The following MYO5A variants were observed in gnomAD, a reference collection of about 807,000 sequenced individuals.
MYO5A encodes the protein unconventional myosin-Va.
Under a neutral mutation model 249.7 loss-of-function variants are expected in MYO5A, and 98 were observed. The observed-to-expected ratio is 0.39, with a 90% confidence interval of 0.33 to 0.46. MYO5A has a LOEUF of 0.46. Among genes scored for constraint, MYO5A ranks in the 20% least tolerant of loss-of-function variants. The pLI is 0.98. For synonymous variants in MYO5A, 778 were observed against 810.6 expected (o/e 0.96, Z 0.68); for missense variants, 1,696 against 2,308.8 (o/e 0.73, Z 5.44).
chr15:52,328,644 C>G (rs1396286127), intron 35 of MYO5A, among the ~76,000 whole-genome samples: 2 of 152,202 alleles, frequency 1.3e-5, no homozygotes, highest in Non-Finnish European at 2.9e-5. Context: ...ATACAACAAT[C>G]AGGGCCATTC....
chr15:52,405,606 G>T (rs189202804), intron 8 of MYO5A, among the ~76,000 whole-genome samples: 141 of 152,318 alleles, frequency 9.3e-4, no homozygotes, highest in Non-Finnish European at 1.7e-3. Context: ...GCTGACTGTG[G>T]CTGATCTGGC....
At chr15:52,432,040 C>G (rs2075551940) in intron 2 of MYO5A, among the ~76,000 whole-genome samples, 1 of 151,812 alleles carries the variant, frequency 6.6e-6, no homozygotes. Flanking sequence ...AAAGCTGGAA[C>G]AATTTAATTG....
upstream of MYO5A, chr15:52,528,965 G>A: frequency 2.3e-6 from 1 of 439,478 alleles, no homozygotes; most frequent in Non-Finnish European, 3.1e-6. Flanking sequence ...GGGGCGGGGC[G>A]CCTCAGGCGC....
At chr15:52,442,470 C>A (rs758367352) in intron 1 of MYO5A, among the ~76,000 whole-genome samples, 1 of 152,092 alleles carries the variant, frequency 6.6e-6, no homozygotes, top group Admixed American at 6.5e-5. Flanking sequence ...GAAATGCTGC[C>A]GAGGAGCTGA....
intron 1 of MYO5A, among the ~76,000 whole-genome samples, chr15:52,490,526 T>C (rs12915869): frequency 0.69 from 105,286 of 152,054 alleles, 37,789 homozygotes; most frequent in Non-Finnish European, 0.77. Context: ...AAGCCAGTCA[T>C]GAAAAGACAA....
intron 34 of MYO5A, among the ~76,000 whole-genome samples, chr15:52,335,245 A>G (rs1265129518): frequency 6.6e-6 from 1 of 152,142 alleles, no homozygotes; most frequent in Non-Finnish European, 1.5e-5. Flanking sequence ...TTAGGCTGGA[A>G]GCGGTGGCTC....
intron 1 of MYO5A, among the ~76,000 whole-genome samples, chr15:52,436,013 G>A (rs919933164): frequency 2.0e-5 from 3 of 152,206 alleles, no homozygotes; most frequent in Non-Finnish European, 2.9e-5. Context: ...CGCTTCTGGG[G>A]TTCAAGCGAT....
At chr15:52,459,693 A>G (rs1480281320) in intron 1 of MYO5A, among the ~76,000 whole-genome samples, 1 of 152,224 alleles carries the variant, frequency 6.6e-6, no homozygotes, top group Admixed American at 6.5e-5. Context: ...TACACCTCCC[A>G]GACGGGGTGG....
chr15:52,336,852 T>C (rs553358608), intron 33 of MYO5A, among the ~76,000 whole-genome samples: 3 of 152,354 alleles, frequency 2.0e-5, no homozygotes, highest in Non-Finnish European at 4.4e-5. Context: ...TTGTAGAATG[T>C]ATTGGTATTC....
intron 1 of MYO5A, among the ~76,000 whole-genome samples, chr15:52,471,627 C>CA (rs1215115876): frequency 1.2e-5 from 1 of 83,212 alleles, no homozygotes; most frequent in Non-Finnish European, 2.8e-5. Flanking sequence ...ACACCCCAAA[C>CA]AAAAAAACAA....
intron 4 of MYO5A, among the ~76,000 whole-genome samples, chr15:52,423,601 A>ATTTC (rs2075332800): frequency 6.6e-6 from 1 of 151,998 alleles, no homozygotes; most frequent in Non-Finnish European, 1.5e-5. Context: ...TGCAGCAGTT[A>ATTTC]TTTCTGACTG....
In MYO5A at chr15:52,372,233, C is replaced by T. The variant is rs536070522; in HGVS notation, c.2708G>A (p.Arg903His). Residue 903 changes from arginine (R) to histidine (H), a missense_variant, in exon 21 of 42, where the codon CGT becomes CAT. Physicochemically the swap from Arg to His is conservative, Grantham distance 29. Coordinates refer to ENST00000399233, the MANE Select transcript of MYO5A (RefSeq NM_001382347.1). ...QCCFRRMMAK[R>H]ELKKLKIEAR... Reference sequence around the variant, plus strand: ...CTCGATTTTGAGCTTCTTTAGCTCACGCTTGGCCATCATCCGCCTGAAGCA... The same window carrying T: ...CTCGATTTTGAGCTTCTTTAGCTCATGCTTGGCCATCATCCGCCTGAAGCA... 126 of 1,613,316 alleles carry T rather than the reference C, an allele frequency of 7.8e-5. No homozygotes were observed. The highest frequency in any genetic ancestry group is 2.3e-4 in the South Asian group (21 of 91,054).
intron 20 of MYO5A, among the ~76,000 whole-genome samples, chr15:52,374,256 A>G (rs1424430248): frequency 6.6e-6 from 1 of 152,240 alleles, no homozygotes; most frequent in African/African-American, 2.4e-5. Flanking sequence ...AAACTTTTGG[A>G]GCATTGTATC....
intron 1 of MYO5A, among the ~76,000 whole-genome samples, chr15:52,440,003 G>A (rs2075751562): frequency 6.6e-6 from 1 of 152,240 alleles, no homozygotes. Flanking sequence ...GATTTAACCT[G>A]CATAATAGCT....
chr15:52,426,610 G>A (rs2075400457), intron 3 of MYO5A, among the ~76,000 whole-genome samples: 1 of 151,982 alleles, frequency 6.6e-6, no homozygotes, highest in African/African-American at 2.4e-5. Context: ...CTATGGACAC[G>A]CAACACCATG....
rs1323843676 is a variant in MYO5A, at chr15:52,313,399, A to G, written c.*297T>C. 2 of 395,258 alleles carry G rather than the reference A, an allele frequency of 5.1e-6. No individual in the cohort carries two copies. The highest frequency in any genetic ancestry group is 1.2e-4 in the East Asian group (2 of 17,224). The allele number at this position is 395,258 out of a possible 1,614,324, so 24.5% of individuals were successfully genotyped here. A position where few individuals can be genotyped will look rare whatever the true frequency, so the allele number is the denominator to read the frequency against. On this transcript the variant is annotated 3_prime_UTR_variant, in exon 42 of 42. Transcript: ENST00000399233. Reference sequence around the variant, plus strand: ...TTAAAATAAATGCTGCCAGCTGAAGACACATTTTTCTCCTCCTTTCCTTCC... The same window carrying G: ...TTAAAATAAATGCTGCCAGCTGAAGGCACATTTTTCTCCTCCTTTCCTTCC...
chr15:52,322,269 G>T (rs947807658), intron 37 of MYO5A, among the ~76,000 whole-genome samples: 1 of 152,240 alleles, frequency 6.6e-6, no homozygotes, highest in Admixed American at 6.5e-5. Context: ...AGGGATTCTG[G>T]TCTGTTGGCC....
chr15:52,386,914 A>G (rs1360123340), intron 14 of MYO5A, among the ~76,000 whole-genome samples: 2 of 152,216 alleles, frequency 1.3e-5, no homozygotes, highest in African/African-American at 4.8e-5. Context: ...TATCAAAATA[A>G]TTGATAGTAA....
intron 18 of MYO5A, among the ~76,000 whole-genome samples, chr15:52,378,134 C>T (rs2041522618): frequency 1.3e-5 from 2 of 151,540 alleles, no homozygotes; most frequent in South Asian, 4.2e-4. Context: ...TCCCACAAAG[C>T]CCTGATCCAG....
Sources: allele counts gnomAD v4.1 joint callset (sites outside exome capture counted in the v4.1 genomes callset), GRCh38; gene constraint gnomAD v4.1.1; transcripts MANE v1.5; gene names NCBI Gene and HGNC (gene_info 2026-07-23, HGNC 2026-07-21).